NR2F1-AS1: variants seen among roughly 807,000 people sequenced by gnomAD.
NR2F1-AS1 encodes NR2F1 regulatory antisense RNA 1.
intron 4 of NR2F1-AS1, chr5:93,544,693 G>A (rs1752035175): frequency 6.6e-6 from 1 of 152,088 alleles, no homozygotes; most frequent in Non-Finnish European, 1.5e-5. Context: ...GGAGGCCGAG[G>A]TGGGCAGATC....
At chr5:93,435,125 C>A (rs927879606) in intron 4 of NR2F1-AS1, among the ~76,000 whole-genome samples, 1 of 152,134 alleles carries the variant, frequency 6.6e-6, no homozygotes, top group African/African-American at 2.4e-5. Flanking sequence ...GGTTTAGCAT[C>A]CACTGATAAT....
chr5:93,512,718 T>C (rs1453950349), intron 4 of NR2F1-AS1, among the ~76,000 whole-genome samples: 1 of 152,174 alleles, frequency 6.6e-6, no homozygotes, highest in African/African-American at 2.4e-5. Context: ...AGTTTTTCTA[T>C]GTTTTGATAC....
At chr5:93,562,183 CAA>C (rs750644394) in intron 2 of NR2F1-AS1, among the ~76,000 whole-genome samples, 4 of 50,644 alleles carry the variant, frequency 7.9e-5, no homozygotes, top group Admixed American at 2.1e-4. Context: ...CCCATCTCTA[CAA>C]AAAAAAAAAA....
Position 93,579,295 on chromosome 5 carries a change from C to T in NR2F1-AS1, n.313+1172G>A, listed in dbSNP as rs1205214302. Among the ~76,000 whole-genome samples, 3 of 152,188 alleles carry T rather than the reference C, an allele frequency of 2.0e-5. No homozygotes were observed. The East Asian group carries it at 5.8e-4, about 29-fold the overall frequency. On this transcript the variant is annotated intron_variant and non_coding_transcript_variant, in intron 1 of 5. Transcript: ENST00000660523. This position sits in a 1 kb window ranked among gnomAD's most constrained non-coding sequence, Gnocchi z 5.1. ...GCATCACCACCAACAGCTTCCCACT[C>T]CCACCCCTGGGACTAGGACAGGGGA...
intron 4 of NR2F1-AS1, among the ~76,000 whole-genome samples, chr5:93,482,525 A>G (rs1750622302): frequency 6.6e-6 from 1 of 151,860 alleles, no homozygotes; most frequent in Non-Finnish European, 1.5e-5. Context: ...CTGGGCGGCC[A>G]TTTGGGCAGA....
chr5:93,550,846 G>A (rs564784501), intron 4 of NR2F1-AS1, among the ~76,000 whole-genome samples: 6 of 152,106 alleles, frequency 3.9e-5, no homozygotes, highest in African/African-American at 1.4e-4. Context: ...CTATCAACCA[G>A]GAAAAATGAA....
At chr5:93,472,709 G>A (rs1257979084) in intron 4 of NR2F1-AS1, among the ~76,000 whole-genome samples, 2 of 151,664 alleles carry the variant, frequency 1.3e-5, no homozygotes, top group African/African-American at 4.8e-5. Context: ...TAGTACCTAA[G>A]CAAACCAACA....
intron 4 of NR2F1-AS1, among the ~76,000 whole-genome samples, chr5:93,485,689 G>C (rs1040602266): frequency 7.9e-5 from 12 of 152,142 alleles, no homozygotes; most frequent in African/African-American, 2.9e-4. Context: ...TTCAAACATT[G>C]TGGAAGTCAA....
At position 93,579,119 on chromosome 5, in the gene NR2F1-AS1, G is replaced by C. The variant is rs1480969849; in HGVS notation, n.313+1348C>G. ...GAAACTGAGCTCTAAGTGCCACTCA[G>C]GCCGGACGAGTTCCAGAGGGGGACA... On this transcript the variant is annotated intron_variant and non_coding_transcript_variant, in intron 1 of 5. Coordinates refer to ENST00000660523, the Ensembl canonical transcript of NR2F1-AS1. This position sits in a 1 kb window ranked among gnomAD's most constrained non-coding sequence, Gnocchi z 5.1. 6.6e-6 allele frequency among the ~76,000 whole-genome samples: 1 copy of C among 152,180 alleles called. No homozygotes were observed. Among genetic ancestry groups the C allele is most frequent in the Non-Finnish European group, 1.5e-5 (1 of 68,028 alleles).
intron 4 of NR2F1-AS1, among the ~76,000 whole-genome samples, chr5:93,454,026 C>T (rs1749893954): frequency 1.3e-5 from 2 of 152,274 alleles, no homozygotes; most frequent in South Asian, 4.1e-4. Flanking sequence ...CCTATAATCT[C>T]AGCACTTTGA....
At chr5:93,507,326 G>T (rs1317219814) in intron 4 of NR2F1-AS1, among the ~76,000 whole-genome samples, 6 of 119,582 alleles carry the variant, frequency 5.0e-5, no homozygotes, top group Non-Finnish European at 8.9e-5. Flanking sequence ...GGGATTTGGG[G>T]TTTTTTTTGT....
In NR2F1-AS1 at chr5:93,566,775, G is replaced by T. The variant is rs1457053570; in HGVS notation, n.314-3312C>A. ...TTGTAAGGAAATAACCATAGGGATG[G>T]CTAAAGATTTATTTAAAATGCTATT... On this transcript the variant is annotated intron_variant and non_coding_transcript_variant, in intron 1 of 5. Coordinates refer to ENST00000660523, the Ensembl canonical transcript of NR2F1-AS1. Among the ~76,000 whole-genome samples, 2 of 151,846 alleles carry T rather than the reference G, an allele frequency of 1.3e-5. 1 individual carries two copies. Among genetic ancestry groups the T allele is most frequent in the South Asian group, 4.2e-4 (2 of 4,816 alleles).
chr5:93,580,283 G>A (rs1352950590), intron 1 of NR2F1-AS1, among the ~76,000 whole-genome samples: 2 of 152,240 alleles, frequency 1.3e-5, no homozygotes, highest in Non-Finnish European at 2.9e-5. Flanking sequence ...TTAGCGCTAC[G>A]GCGAGACAGA....
chr5:93,569,718 A>G (rs1752700331), intron 1 of NR2F1-AS1, among the ~76,000 whole-genome samples: 1 of 152,224 alleles, frequency 6.6e-6, no homozygotes, highest in Non-Finnish European at 1.5e-5. Context: ...TACCTCTAAG[A>G]TGACATCTTT....
intron 4 of NR2F1-AS1, among the ~76,000 whole-genome samples, chr5:93,435,029 A>T (rs962732561): frequency 8.5e-5 from 13 of 152,186 alleles, no homozygotes; most frequent in Non-Finnish European, 1.6e-4. Context: ...AACCTATTTT[A>T]TGCTTTGTAA....
At chr5:93,537,968 G>T (rs1388979184) in intron 4 of NR2F1-AS1, among the ~76,000 whole-genome samples, 1 of 152,160 alleles carries the variant, frequency 6.6e-6, no homozygotes, top group African/African-American at 2.4e-5. Flanking sequence ...TCTCAAAGAT[G>T]TGCATGGTAG....
chr5:93,442,333 C>A (rs1749591154), intron 4 of NR2F1-AS1, among the ~76,000 whole-genome samples: 1 of 152,212 alleles, frequency 6.6e-6, no homozygotes, highest in Non-Finnish European at 1.5e-5. Flanking sequence ...AATCGGGACA[C>A]CCTCACCCTA....
intron 4 of NR2F1-AS1, among the ~76,000 whole-genome samples, chr5:93,524,465 T>C (rs1310416179): frequency 1.3e-5 from 2 of 152,158 alleles, no homozygotes; most frequent in Non-Finnish European, 2.9e-5. Context: ...TTGTCCAACC[T>C]AGCAAGACAG....
chr5:93,570,773 G>T (rs1752739825), intron 1 of NR2F1-AS1: 1 of 152,260 alleles, frequency 6.6e-6, no homozygotes, highest in Non-Finnish European at 1.5e-5. Context: ...CCTCCGCCGC[G>T]CGGGGGACCG....
Sources: allele counts gnomAD v4.1 joint callset (sites outside exome capture counted in the v4.1 genomes callset), GRCh38; gene constraint gnomAD v4.1.1; non-coding constraint Gnocchi (gnomAD v3.1); transcripts MANE v1.5; gene names NCBI Gene and HGNC (gene_info 2026-07-23, HGNC 2026-07-21).